The following ABCC9 variants were observed in gnomAD, a reference collection of about 807,000 sequenced individuals.
The protein encoded by ABCC9 is ATP binding cassette subfamily C member 9.
A neutral mutation model predicts 188.3 loss-of-function variants in ABCC9; 95 were observed. The observed-to-expected ratio is 0.50, with a 90% CI of 0.43 to 0.60. The LOEUF is 0.60. Among genes scored for constraint, ABCC9 ranks in the 20% least tolerant of loss-of-function variants. ABCC9 has a pLI of 0.00. For synonymous variants in ABCC9, 659 were observed against 652.7 expected (o/e 1.01, Z -0.15); for missense variants, 1,102 against 1,876.3 (o/e 0.59, Z 7.62).
chr12:21,802,840 C>T (rs1941551728), intron 39 of ABCC9, among the ~76,000 whole-genome samples: 1 of 152,072 alleles, frequency 6.6e-6, no homozygotes, highest in African/African-American at 2.4e-5. Context: ...CTACATTCTG[C>T]CCTGGGCCAT....
At chr12:21,819,707 T>C (rs957483791) in intron 31 of ABCC9, among the ~76,000 whole-genome samples, 3 of 152,188 alleles carry the variant, frequency 2.0e-5, no homozygotes, top group Non-Finnish European at 2.9e-5. Context: ...TCCCTTTGGA[T>C]AATTTTCAGA....
At chr12:21,904,945 C>T (rs1269538981) in intron 12 of ABCC9, among the ~76,000 whole-genome samples, 1 of 152,104 alleles carries the variant, frequency 6.6e-6, no homozygotes, top group Non-Finnish European at 1.5e-5. Context: ...ACCCAAAGGA[C>T]TATAAATCAT....
intron 29 of ABCC9, among the ~76,000 whole-genome samples, chr12:21,839,961 A>G (rs910343361): frequency 6.6e-6 from 1 of 152,312 alleles, no homozygotes; most frequent in African/African-American, 2.4e-5. Flanking sequence ...ATAAAACCAA[A>G]TGGCTATTTG....
At chr12:21,850,689 C>CA (rs1156843284) in intron 24 of ABCC9, among the ~76,000 whole-genome samples, 2 of 152,050 alleles carry the variant, frequency 1.3e-5, no homozygotes, top group African/African-American at 2.4e-5. Flanking sequence ...TTCTTCTTTC[C>CA]AAAGTAAACC....
chr12:21,808,420 A>G (rs1478670168), intron 37 of ABCC9, among the ~76,000 whole-genome samples: 1 of 152,074 alleles, frequency 6.6e-6, no homozygotes, highest in African/African-American at 2.4e-5. Context: ...CATAACCCCA[A>G]AACACTATGC....
At chr12:21,921,373 G>A (rs1268499381) in intron 5 of ABCC9, among the ~76,000 whole-genome samples, 1 of 151,946 alleles carries the variant, frequency 6.6e-6, no homozygotes, top group Non-Finnish European at 1.5e-5. Context: ...GTCTTCTTTT[G>A]ACAAATGTCT....
At chr12:21,898,841 TGAAA>T (rs1947563404) in intron 12 of ABCC9, among the ~76,000 whole-genome samples, 1 of 152,208 alleles carries the variant, frequency 6.6e-6, no homozygotes, top group Non-Finnish European at 1.5e-5. Context: ...GAGTTGAGGA[TGAAA>T]GAAGTCTCTA....
intron 14 of ABCC9, among the ~76,000 whole-genome samples, chr12:21,890,133 T>G (rs1479875074): frequency 1.3e-5 from 2 of 152,154 alleles, no homozygotes; most frequent in African/African-American, 4.8e-5. Flanking sequence ...ACGAGGTCCT[T>G]TCAGAAATCA....
intron 22 of ABCC9, 97 bp downstream of exon 22, chr12:21,859,489 C>T (rs564832985): frequency 1.9e-5 from 23 of 1,211,918 alleles, no homozygotes; most frequent in African/African-American, 1.0e-4. Flanking sequence ...CAAGTTAAAC[C>T]ATCTTTCCTT....
intron 4 of ABCC9, among the ~76,000 whole-genome samples, chr12:21,928,622 T>C (rs548832820): frequency 2.9e-4 from 44 of 152,178 alleles, no homozygotes; most frequent in Non-Finnish European, 6.2e-4. Context: ...ATAATTATAA[T>C]AAATAAATTA....
intron 24 of ABCC9, among the ~76,000 whole-genome samples, chr12:21,849,702 G>A (rs1226001488): frequency 2.0e-5 from 3 of 152,182 alleles, no homozygotes; most frequent in African/African-American, 7.2e-5. Context: ...GTTTTAAATA[G>A]TGATGATGCT....
intron 30 of ABCC9, among the ~76,000 whole-genome samples, chr12:21,830,175 C>T (rs1943677017): frequency 6.6e-6 from 1 of 152,110 alleles, no homozygotes; most frequent in Non-Finnish European, 1.5e-5. Context: ...TTAGTAAAAG[C>T]CCTATCCATT....
chr12:21,890,998 T>G (rs1169424824), intron 14 of ABCC9, among the ~76,000 whole-genome samples: 2 of 152,058 alleles, frequency 1.3e-5, no homozygotes, highest in Non-Finnish European at 2.9e-5. Flanking sequence ...AAAAAAATCT[T>G]TACTGACCAG....
chr12:21,932,249 A>G (rs1373748875), intron 4 of ABCC9, among the ~76,000 whole-genome samples: 1 of 152,064 alleles, frequency 6.6e-6, no homozygotes, highest in East Asian at 1.9e-4. Flanking sequence ...CTGTCTAATG[A>G]AACATCTTAT....
At chr12:21,820,035 T>G (rs1942940886) in intron 31 of ABCC9, among the ~76,000 whole-genome samples, 1 of 152,206 alleles carries the variant, frequency 6.6e-6, no homozygotes, top group Non-Finnish European at 1.5e-5. Context: ...AGTTTATACA[T>G]GCCAAAGTGC....
In ABCC9 at chr12:21,818,062, A is replaced by G. The variant is rs1341520164; in HGVS notation, c.3771+88T>C. 18 of 943,164 alleles carry G rather than the reference A, an allele frequency of 1.9e-5. No homozygotes were observed. In the East Asian group the frequency reaches 4.7e-4, roughly 25 times the overall value. 58.4% of individuals were successfully genotyped at this position (943,164 alleles called of 1,614,324 possible). A position where few individuals can be genotyped will look rare whatever the true frequency, so the allele number is the denominator to read the frequency against. ...ATGTGTAATTCCCCTCTCTGTGCTC[A>G]TGTGTTCTCAACATTCAATTCCCAT... On this transcript the variant is annotated intron_variant, in intron 32 of 39. Coordinates refer to ENST00000261200, the MANE Select transcript of ABCC9 (RefSeq NM_020297.4).
At chr12:21,848,330 G>T (rs1334499362) in intron 24 of ABCC9, 84 bp from the exon 25 acceptor site, 1 of 1,205,242 alleles carries the variant, frequency 8.3e-7, no homozygotes, top group Non-Finnish European at 1.2e-6. Context: ...CGTGTAAATG[G>T]TTAGTTACCT....
chr12:21,823,155 C>T (rs1341753710), intron 31 of ABCC9, among the ~76,000 whole-genome samples: 1 of 152,168 alleles, frequency 6.6e-6, no homozygotes, highest in African/African-American at 2.4e-5. Flanking sequence ...TATCTACATT[C>T]AAAAGAGGGC....
intron 31 of ABCC9, among the ~76,000 whole-genome samples, chr12:21,820,141 G>T (rs2544448): frequency 1 from 152,279 of 152,280 alleles, 76,139 homozygotes; most frequent in Non-Finnish European, 1. Context: ...TTATACATTT[G>T]GATTTCCATA....
Sources: allele counts gnomAD v4.1 joint callset (sites outside exome capture counted in the v4.1 genomes callset), GRCh38; gene constraint gnomAD v4.1.1; transcripts MANE v1.5; gene names NCBI Gene and HGNC (gene_info 2026-07-23, HGNC 2026-07-21).